The following TANGO6 variants were observed in gnomAD, a reference collection of about 807,000 sequenced individuals.
The protein encoded by TANGO6 is transport and golgi organization 6 homolog.
In TANGO6, 90 loss-of-function variants were observed where a neutral mutation model predicts 114.2. The observed-to-expected ratio is 0.79, with a 90% confidence interval of 0.66 to 0.94. The LOEUF (loss-of-function observed/expected upper bound fraction) is 0.94. Among genes scored for constraint, TANGO6 ranks in the 40% least tolerant of loss-of-function variants. TANGO6 has a pLI of 0.00. For synonymous variants in TANGO6, 477 were observed against 509.8 expected (o/e 0.94, Z 0.87); for missense variants, 1,274 against 1,315.3 (o/e 0.97, Z 0.49).
In TANGO6 at chr16:68,843,582, C is replaced by A. The variant is rs777745466; in HGVS notation, c.-36C>A. On this transcript the variant is annotated 5_prime_UTR_variant, in exon 1 of 18. In the 5' UTR this introduces an upstream ATG that the reference lacks. Coordinates refer to ENST00000261778, the MANE Select transcript of TANGO6 (RefSeq NM_024562.2). Reference sequence around the variant, plus strand: ...CGGCGGCGGCGCCCTGCCGAGGCGCCTGAGCGGGTCGCGAGCGTGGTGTTA... The same window carrying A: ...CGGCGGCGGCGCCCTGCCGAGGCGCATGAGCGGGTCGCGAGCGTGGTGTTA... 11 of 1,603,366 alleles carry A rather than the reference C, an allele frequency of 6.9e-6. No individual in the cohort carries two copies. The highest frequency in any genetic ancestry group is 8.5e-6 in the Non-Finnish European group (10 of 1,173,586).
intron 16 of TANGO6, among the ~76,000 whole-genome samples, chr16:69,023,657 C>T (rs1247478877): frequency 6.6e-6 from 1 of 152,050 alleles, no homozygotes; most frequent in African/African-American, 2.4e-5. Flanking sequence ...ATCTCCTCCA[C>T]TCACAGAAAA....
intron 15 of TANGO6, among the ~76,000 whole-genome samples, chr16:68,996,653 A>G (rs1963992622): frequency 6.6e-6 from 1 of 152,196 alleles, no homozygotes; most frequent in African/African-American, 2.4e-5. Flanking sequence ...AGTAAATGGC[A>G]TCCAAGACAG....
chr16:69,053,057 G>A (rs373095210), intron 17 of TANGO6, among the ~76,000 whole-genome samples: 12 of 152,122 alleles, frequency 7.9e-5, no homozygotes, highest in Non-Finnish European at 1.2e-4. Context: ...GCAATGAGCC[G>A]AGATCGTGCC....
chr16:68,913,853 G>A (rs749177328), intron 11 of TANGO6, among the ~76,000 whole-genome samples: 3 of 152,118 alleles, frequency 2.0e-5, no homozygotes, highest in African/African-American at 4.8e-5. Flanking sequence ...GGCTGTATAG[G>A]ATTCAGTAAA....
At chr16:68,890,747 G>A (rs1043397982) in intron 7 of TANGO6, among the ~76,000 whole-genome samples, 11 of 152,056 alleles carry the variant, frequency 7.2e-5, no homozygotes, top group Non-Finnish European at 1.6e-4. Context: ...TAGGCCAGGC[G>A]TGGTGGCTCA....
In TANGO6 at chr16:68,947,205, C is replaced by G. The variant is rs985129307; in HGVS notation, c.2701+16910C>G. Among the ~76,000 whole-genome samples, 8 of 152,264 alleles carry G rather than the reference C, an allele frequency of 5.3e-5. No individual in the cohort carries two copies. In the East Asian group the frequency reaches 1.5e-3, roughly 29 times the overall value. On this transcript the variant is annotated intron_variant, in intron 14 of 17. Transcript: ENST00000261778. The stretch of plus-strand genomic sequence containing the variant: ...GGGCGCAGTGGCTCACGCCTGTAAT[C>G]CCAGCACTTTGGGAGGCCGAGGCAG...
rs557900404 is a variant in TANGO6 at position 68,875,359 on chromosome 16, G to A, written c.1131+69G>A. 1.9e-5 allele frequency: 29 copies of A among 1,530,872 alleles called. No individual in the cohort carries two copies. The South Asian group carries it at 2.9e-4, about 15-fold the overall frequency. 94.8% of individuals were successfully genotyped at this position (1,530,872 alleles called of 1,614,324 possible). On this transcript the variant is annotated intron_variant, in intron 5 of 17. Coordinates refer to ENST00000261778, the MANE Select transcript of TANGO6 (RefSeq NM_024562.2). ...TATTTACAGAAAGAGGACTTTTAAT[G>A]TTCCTCTAGTATTGAGATAAAAGCA... is the stretch of plus-strand genomic sequence containing the variant.
Position 68,878,219 on chromosome 16 carries a change from G to A in TANGO6, c.1233G>A (p.Leu411=), listed in dbSNP as rs1962400258. ...FITLSRERPH[L]AAKYLLQPVL... ...CTTTGTCAAGAGAACGCCCACATTT[G>A]GCAGCAAAGTATTTGCTCCAGCCAG... Residue 411 remains leucine, a synonymous_variant, in exon 6 of 18, where the codon TTG becomes TTA. Coordinates refer to ENST00000261778, the MANE Select transcript of TANGO6 (RefSeq NM_024562.2). The A allele has an allele frequency of 6.2e-7, 1 of 1,612,950 alleles. No homozygotes were observed. Among genetic ancestry groups the A allele is most frequent in the Admixed American group, 1.7e-5 (1 of 59,850 alleles).
intron 12 of TANGO6, among the ~76,000 whole-genome samples, chr16:68,923,643 T>G (rs1963126761): frequency 1.3e-5 from 2 of 152,216 alleles, no homozygotes; most frequent in Admixed American, 1.3e-4. Flanking sequence ...TGCTGTTGCT[T>G]TCAAGCAGCC....
chr16:69,075,453 T>A (rs1344163471), intron 17 of TANGO6, among the ~76,000 whole-genome samples: 1 of 150,558 alleles, frequency 6.6e-6, no homozygotes, highest in Admixed American at 6.6e-5. Context: ...AATTCAACTT[T>A]TATTTTTTTT....
chr16:68,918,946 G>T, intron 11 of TANGO6, 139 bp from the exon 12 acceptor site: 1 of 979,532 alleles, frequency 1.0e-6, no homozygotes, highest in African/African-American at 1.6e-5. Flanking sequence ...ACATCTGCAT[G>T]GTAAGTAGCA....
chr16:68,878,918 G>A lies in TANGO6; in HGVS notation c.1294+638G>A, dbSNP rs191699583. 1.6e-3 allele frequency among the ~76,000 whole-genome samples: 240 copies of A among 151,688 alleles called. 1 individual carries two copies. The highest frequency in any genetic ancestry group is 5.5e-3 in the African/African-American group (227 of 41,374). On this transcript the variant is annotated intron_variant, in intron 6 of 17. Transcript: ENST00000261778. ...AAAACCCCGTCTTAACCAAAAAACA[G>A]TATAAAAATTAGCCAGGCATGGTGG...
At chr16:69,073,219 G>A (rs766000195) in intron 17 of TANGO6, among the ~76,000 whole-genome samples, 1 of 152,136 alleles carries the variant, frequency 6.6e-6, no homozygotes, top group Non-Finnish European at 1.5e-5. Flanking sequence ...GTGATGGCCT[G>A]GGAGCTGGAA....
At chr16:69,042,515 C>G (rs904849029) in intron 17 of TANGO6, among the ~76,000 whole-genome samples, 10 of 152,076 alleles carry the variant, frequency 6.6e-5, no homozygotes, top group Non-Finnish European at 1.3e-4. Context: ...CCACTGCACT[C>G]CAGCCTAGGT....
At chr16:68,997,196 G>T (rs1963999770) in intron 15 of TANGO6, among the ~76,000 whole-genome samples, 1 of 152,190 alleles carries the variant, frequency 6.6e-6, no homozygotes, top group South Asian at 2.1e-4. Flanking sequence ...CGGCCATGAG[G>T]GTTCTTGGCT....
intron 15 of TANGO6, among the ~76,000 whole-genome samples, chr16:68,988,284 A>G (rs1303720915): frequency 6.6e-6 from 1 of 152,178 alleles, no homozygotes. Context: ...AGCACTTGAT[A>G]TGTTTGACCA....
rs868085810 is a variant in TANGO6 at position 69,063,805 on chromosome 16, C to A, written c.3109-19680C>A. 9.9e-3 allele frequency among the ~76,000 whole-genome samples: 1,172 copies of A among 118,334 alleles called. 10 individuals carry two copies. The highest frequency in any genetic ancestry group is 0.02 in the Admixed American group (231 of 11,502). The allele number at this position is 118,334 out of a possible 152,430, so 77.6% of individuals were successfully genotyped here. A position where few individuals can be genotyped will look rare whatever the true frequency, so the allele number is the denominator to read the frequency against. On this transcript the variant is annotated intron_variant, in intron 17 of 17. Coordinates refer to ENST00000261778, the MANE Select transcript of TANGO6 (RefSeq NM_024562.2). ...TTTTCTTCTTCTTCTTCTTCTTCTTCTTCTTATTATTATTATTATTATTAT... is the reference window on the plus strand; with the variant it reads ...TTTTCTTCTTCTTCTTCTTCTTCTTATTCTTATTATTATTATTATTATTAT...
At chr16:68,873,159 T>C (rs1244743367) in intron 4 of TANGO6, among the ~76,000 whole-genome samples, 1 of 150,710 alleles carries the variant, frequency 6.6e-6, no homozygotes, top group Non-Finnish European at 1.5e-5. Context: ...CAATCACCAC[T>C]CCTCATTCTC....
intron 17 of TANGO6, among the ~76,000 whole-genome samples, chr16:69,072,007 G>A (rs948816596): frequency 1.3e-5 from 2 of 148,152 alleles, no homozygotes; most frequent in Non-Finnish European, 3.0e-5. Flanking sequence ...AAAGAGGGAG[G>A]GTGAAGAGAG....
Sources: gnomAD v4.1 joint callset for allele counts (sites outside exome capture counted in the v4.1 genomes callset) on GRCh38, gnomAD v4.1.1 for gene constraint, MANE v1.5 for transcripts, NCBI Gene and HGNC (gene_info 2026-07-23, HGNC 2026-07-21) for gene names.